The following SLC24A2 variants were observed in gnomAD, a reference collection of about 807,000 sequenced individuals.
SLC24A2 encodes sodium/potassium/calcium exchanger 2.
In SLC24A2, 36 loss-of-function variants were observed where a neutral mutation model predicts 62.0. The ratio of observed to expected loss-of-function variants is 0.58; its 90% CI spans 0.44 to 0.77. The LOEUF is 0.77. SLC24A2 is among the 30% of genes least tolerant of loss of function. SLC24A2 has a pLI of 0.00. For missense variants in SLC24A2, 846 were observed against 817.9 expected, an observed-to-expected ratio of 1.03 and a Z score of -0.42; for synonymous variants, 358 against 294.0, an observed-to-expected ratio of 1.22 and a Z score of -2.23.
At chr9:19,953,085 C>G in the SLC24A2 span, among the ~76,000 whole-genome samples, 1 of 151,906 alleles carries the variant, frequency 6.6e-6, no homozygotes, top group Admixed American at 6.6e-5. Context: ...ATGTTTTTAG[C>G]ATTTAATGTA....
intron 2 of SLC24A2, among the ~76,000 whole-genome samples, chr9:19,680,847 A>AGTTGTGT (rs1491133487): frequency 8.3e-6 from 1 of 121,098 alleles, no homozygotes; most frequent in African/African-American, 2.9e-5. Flanking sequence ...AATATATACC[A>AGTTGTGT]GAGTTGTGTG....
chr9:20,185,251 G>A, the SLC24A2 span, among the ~76,000 whole-genome samples: 8 of 152,080 alleles, frequency 5.3e-5, no homozygotes, highest in African/African-American at 1.7e-4. Flanking sequence ...AAGTATGGGA[G>A]GTAATGCATA....
chr9:19,577,705 T>A (rs963884697), intron 5 of SLC24A2, among the ~76,000 whole-genome samples: 1 of 151,992 alleles, frequency 6.6e-6, no homozygotes, highest in African/African-American at 2.4e-5. Flanking sequence ...ATGTTGGTGA[T>A]GAGATGCTTT....
the SLC24A2 span, among the ~76,000 whole-genome samples, chr9:19,946,553 G>T: frequency 6.6e-6 from 1 of 152,170 alleles, no homozygotes; most frequent in East Asian, 1.9e-4. Flanking sequence ...TGCCTTAACC[G>T]TAAATCAGCT....
intron 7 of SLC24A2, among the ~76,000 whole-genome samples, chr9:19,571,788 G>A (rs1447738580): frequency 6.6e-6 from 1 of 152,248 alleles, no homozygotes; most frequent in African/African-American, 2.4e-5. Context: ...TGATCAGGAT[G>A]AGATCCAGAA....
chr9:20,302,301 CA>C, the SLC24A2 span, among the ~76,000 whole-genome samples: 1 of 152,166 alleles, frequency 6.6e-6, no homozygotes, highest in South Asian at 2.1e-4. Flanking sequence ...AAGAAACTGG[CA>C]AACCGTCTTC....
chr9:19,733,780 T>C (rs949475544), intron 2 of SLC24A2, among the ~76,000 whole-genome samples: 5 of 152,172 alleles, frequency 3.3e-5, no homozygotes, highest in Non-Finnish European at 7.4e-5. Flanking sequence ...CTGACCTACG[T>C]TTGTGGTTTA....
chr9:19,820,042 C>CAT, the SLC24A2 span, among the ~76,000 whole-genome samples: 279 of 32,852 alleles, frequency 8.5e-3, 8 homozygotes, highest in South Asian at 0.051. Flanking sequence ...TATATATATA[C>CAT]ATATATATAT....
rs375246907 is a variant in SLC24A2, at chr9:19,558,961, C to G, written c.1348-8693G>C. Among the ~76,000 whole-genome samples the G allele has an allele frequency of 2.8e-4, 42 of 152,214 alleles. 1 individual carries two copies. The highest frequency in any genetic ancestry group is 1.9e-3 in the East Asian group (10 of 5,182). On this transcript the variant is annotated intron_variant, in intron 7 of 10. Transcript: ENST00000341998. ...TTGCAGGGATGGTTGGAGAAGGGAT[C>G]GAGAGACAAAGACCCACTTTTCATA...
chr9:20,116,997 C>A, the SLC24A2 span, among the ~76,000 whole-genome samples: 4 of 152,052 alleles, frequency 2.6e-5, no homozygotes, highest in African/African-American at 9.7e-5. Context: ...TCCACTCAAC[C>A]CCCAGGAAAT....
chr9:19,894,363 G>T, the SLC24A2 span, among the ~76,000 whole-genome samples: 3 of 152,194 alleles, frequency 2.0e-5, no homozygotes, highest in South Asian at 6.2e-4. Context: ...ATATTTCCTC[G>T]ATTTTTTGCT....
chr9:20,183,400 C>T, the SLC24A2 span, among the ~76,000 whole-genome samples: 1 of 152,222 alleles, frequency 6.6e-6, no homozygotes, highest in Non-Finnish European at 1.5e-5. Context: ...TCTACAGAAA[C>T]ACAGCCATGT....
chr9:20,135,386 T>C, the SLC24A2 span, among the ~76,000 whole-genome samples: 1 of 115,032 alleles, frequency 8.7e-6, no homozygotes, highest in South Asian at 3.4e-4. Flanking sequence ...CAATTTAAAA[T>C]TTTCATTTTT....
chr9:20,227,741 G>T, the SLC24A2 span, among the ~76,000 whole-genome samples: 1 of 152,172 alleles, frequency 6.6e-6, no homozygotes, highest in Non-Finnish European at 1.5e-5. Context: ...CTTAAAGACT[G>T]AATCTCTAAT....
At chr9:20,229,207 C>T in the SLC24A2 span, among the ~76,000 whole-genome samples, 1 of 152,122 alleles carries the variant, frequency 6.6e-6, no homozygotes, top group Non-Finnish European at 1.5e-5. Context: ...CAGTGTAGCT[C>T]AGTGAAGACA....
At chr9:20,095,491 G>C in the SLC24A2 span, among the ~76,000 whole-genome samples, 2 of 152,172 alleles carry the variant, frequency 1.3e-5, no homozygotes, top group African/African-American at 4.8e-5. Flanking sequence ...AGTTGAGCCT[G>C]AATAGAACTA....
intron 7 of SLC24A2, among the ~76,000 whole-genome samples, chr9:19,552,701 C>T (rs1346169513): frequency 6.6e-6 from 1 of 152,170 alleles, no homozygotes; most frequent in African/African-American, 2.4e-5. Context: ...AACACAAAAG[C>T]AACTCTTTAT....
chr9:19,688,013 C>A (rs1209738103), intron 2 of SLC24A2, among the ~76,000 whole-genome samples: 1 of 152,052 alleles, frequency 6.6e-6, no homozygotes, highest in African/African-American at 2.4e-5. Flanking sequence ...CATTAAACTG[C>A]CAGGCAATAT....
chr9:20,245,651 G>A, the SLC24A2 span, among the ~76,000 whole-genome samples: 24,701 of 152,090 alleles, frequency 0.16, 2,111 homozygotes, highest in Middle Eastern at 0.18. Flanking sequence ...AAGGTCAAGC[G>A]AATTGAGATT....
Sources: allele counts gnomAD v4.1 joint callset (sites outside exome capture counted in the v4.1 genomes callset), GRCh38; gene constraint gnomAD v4.1.1; transcripts MANE v1.5; gene names NCBI Gene and HGNC (gene_info 2026-07-23, HGNC 2026-07-21).